WASHC2A: variants seen among roughly 807,000 people sequenced by gnomAD.
WASHC2A encodes the protein WASH complex subunit FAM21A.
WASHC2A carries 82 observed loss-of-function variants against 140.3 expected under a neutral mutation model. That is an observed-to-expected ratio of 0.58 (90% CI 0.49 to 0.70). The LOEUF (loss-of-function observed/expected upper bound fraction) is 0.70, where lower values mean the gene tolerates loss of function less well. Ranked by LOEUF, WASHC2A falls within the 30% of genes least tolerant of loss-of-function variation. The probability of loss-of-function intolerance (pLI) is 0.00; values close to 1 mark genes in which losing one functional copy is unlikely to be tolerated. For synonymous variants in WASHC2A, 340 were observed against 560.8 expected (o/e 0.61, Z 5.56); for missense variants, 985 against 1,521.8 (o/e 0.65, Z 5.87).
At position 50,110,106 on chromosome 10, in the gene WASHC2A, G is replaced by T; in HGVS notation, c.1875G>T (p.Gln625His). 4 of 1,610,010 alleles carry T rather than the reference G, an allele frequency of 2.5e-6. No homozygotes were observed. In the Admixed American group the frequency reaches 6.7e-5, roughly 27 times the overall value. Residue 625 changes from glutamine to histidine, a missense_variant, in exon 20 of 31, where the codon CAG becomes CAT. By Grantham distance (24) the Gln-to-His change is conservative (BLOSUM62 0). Coordinates refer to ENST00000282633, the MANE Select transcript of WASHC2A (RefSeq NM_001005751.3). ...ALLFSSDEED[Q>H]WNIPASQTHL... ...TATATATTTTATGTTTTAAGGACCAGTGGAATATTCCTGCTTCACAGACCC... is the reference window on the plus strand; with the variant it reads ...TATATATTTTATGTTTTAAGGACCATTGGAATATTCCTGCTTCACAGACCC...
intron 5 of WASHC2A, among the ~76,000 whole-genome samples, chr10:50,083,726 TTTTTGGATTTTTAG>T (rs1554880237): frequency 8.8e-6 from 1 of 113,546 alleles, no homozygotes; most frequent in African/African-American, 3.7e-5. Flanking sequence ...CCCGCTAATT[TTTTTGGATTTTTAG>T]TAGAGACGGG....
chr10:50,100,221 G>T (rs1231615531), intron 17 of WASHC2A, among the ~76,000 whole-genome samples, 157 bp downstream of exon 17: 1 of 152,050 alleles, frequency 6.6e-6, no homozygotes. Context: ...AGTGGTTCAT[G>T]CCTGTAATCC....
chr10:50,129,274 T>C, intron 28 of WASHC2A, 145 bp from the exon 29 acceptor site: 2 of 1,400,634 alleles, frequency 1.4e-6, no homozygotes, highest in East Asian at 4.6e-5. Flanking sequence ...CATTAAGAAA[T>C]AACCTCTTCT....
chr10:50,102,753 C>T (rs1411403261), intron 17 of WASHC2A, among the ~76,000 whole-genome samples: 8 of 149,618 alleles, frequency 5.3e-5, no homozygotes, highest in African/African-American at 2.0e-4. Flanking sequence ...GTTTATCTTC[C>T]CAAGGGAATA....
Position 50,131,078 on chromosome 10 carries a change from G to C in WASHC2A, c.3886G>C (p.Asp1296His). 6.2e-7 allele frequency: 1 copy of C among 1,611,786 alleles called. No homozygotes were observed. The highest frequency in any genetic ancestry group is 8.5e-7 in the Non-Finnish European group (1 of 1,179,786). ...CAAGTCTATATTTGATGATGATATG[G>C]GTAAGTTTGGTTTTCTACATCTGAC... Reference protein sequence around the residue: ...EAKSIFDDDMDDIFSSGIQAK... With the variant: ...EAKSIFDDDMHDIFSSGIQAK... The change falls in exon 30 of 31, where the codon GAT becomes CAT. Residue 1296 changes from aspartate (D) to histidine (H), a missense_variant and splice_region_variant. By Grantham distance (81) the Asp-to-His change is moderately conservative. Coordinates refer to ENST00000282633, the MANE Select transcript of WASHC2A (RefSeq NM_001005751.3).
At chr10:50,127,400 A>G (rs1843529195) in intron 27 of WASHC2A, among the ~76,000 whole-genome samples, 178 bp downstream of exon 27, 1 of 152,038 alleles carries the variant, frequency 6.6e-6, no homozygotes, top group Admixed American at 6.5e-5. Context: ...TTTTGAGCCC[A>G]GTGGTGGGCA....
intron 5 of WASHC2A, among the ~76,000 whole-genome samples, chr10:50,081,863 C>T (rs1838921012): frequency 1.3e-5 from 2 of 152,218 alleles, no homozygotes; most frequent in East Asian, 1.9e-4. Flanking sequence ...GAACTCCCGA[C>T]CTCAGGTGAT....
rs1471709789 is a variant in WASHC2A at position 50,095,830 on chromosome 10, C to A, written c.1420+52C>A. 240 of 1,555,836 alleles carry A rather than the reference C, an allele frequency of 1.5e-4. 1 individual carries two copies. The African/African-American group carries it at 2.6e-3, about 17-fold the overall frequency. On this transcript the variant is annotated intron_variant, in intron 15 of 30. Coordinates refer to ENST00000282633, the MANE Select transcript of WASHC2A (RefSeq NM_001005751.3). ...GACTTCAGCCAGAAAAAGAACGTTG[C>A]CTAAAAAGAACATAAGCTCACCTAG...
chr10:50,089,621 G>A (rs1234333710), intron 8 of WASHC2A, among the ~76,000 whole-genome samples: 1 of 152,148 alleles, frequency 6.6e-6, no homozygotes, highest in East Asian at 1.9e-4. Context: ...TGTTTCCATA[G>A]AAATGCTGTA....
Position 50,129,810 on chromosome 10 carries a change from A to G in WASHC2A, c.3479A>G (p.Asn1160Ser). The G allele has an allele frequency of 6.2e-7, 1 of 1,612,042 alleles. No individual in the cohort carries two copies. The highest frequency in any genetic ancestry group is 1.1e-5 in the South Asian group (1 of 90,978). The part of the protein sequence containing the change: ...PKAKIAENPA[N>S]PPVGGKAKSP... ...GCAAAGATAGCAGAGAATCCTGCCAACCCACCAGTGGGTGGTAAAGCAAAG... is the reference window on the plus strand; with the variant it reads ...GCAAAGATAGCAGAGAATCCTGCCAGCCCACCAGTGGGTGGTAAAGCAAAG... Residue 1160 changes from asparagine (N) to serine (S), a missense_variant, in exon 29 of 31, where the codon AAC becomes AGC. Asn to Ser is a conservative substitution (Grantham distance 46). Transcript: ENST00000282633.
Position 50,078,729 on chromosome 10 carries a change from A to G in WASHC2A, c.346A>G (p.Thr116Ala). Reference protein sequence around the residue: ...EPVLKAEAEKTEQEKTREQKE... With the variant: ...EPVLKAEAEKAEQEKTREQKE... ...AGTACTCAAGGCTGAGGCAGAAAAA[A>G]CAGAGCAGGTACTTGTATAAAATCA... Residue 116 changes from threonine to alanine, a missense_variant, in exon 4 of 31, where the codon ACA becomes GCA. By Grantham distance (58) the Thr-to-Ala change is moderately conservative (BLOSUM62 0). Coordinates refer to ENST00000282633, the MANE Select transcript of WASHC2A (RefSeq NM_001005751.3). 1 of 1,611,900 alleles carries G rather than the reference A, an allele frequency of 6.2e-7. No homozygotes were observed. Among genetic ancestry groups the G allele is most frequent in the East Asian group, 2.2e-5 (1 of 44,864 alleles).
chr10:50,127,171 T>C lies in WASHC2A; in HGVS notation c.2823T>C (p.Gly941=), dbSNP rs1164509241. 5 of 1,611,886 alleles carry C rather than the reference T, an allele frequency of 3.1e-6. No individual in the cohort carries two copies. In the Admixed American group the frequency reaches 8.3e-5, roughly 27 times the overall value. The change falls in exon 27 of 31, where the codon GGT becomes GGC. Residue 941 remains glycine (G), a synonymous_variant. Coordinates refer to ENST00000282633, the MANE Select transcript of WASHC2A (RefSeq NM_001005751.3). ...WKPETPQDSS[G]LAPFKTKEPS... Reference sequence around the variant, plus strand: ...GTAATTTTACACAGGACTCATCAGGTCTCGCTCCATTTAAAACCAAAGAAC... The same window carrying C: ...GTAATTTTACACAGGACTCATCAGGCCTCGCTCCATTTAAAACCAAAGAAC...
At chr10:50,089,967 G>A (rs61856723) in intron 8 of WASHC2A, among the ~76,000 whole-genome samples, 46,412 of 150,338 alleles carry the variant, frequency 0.31, 7,870 homozygotes, top group East Asian at 0.65. Flanking sequence ...AAAATTAGCC[G>A]GGCGTGGTGG....
intron 3 of WASHC2A, among the ~76,000 whole-genome samples, chr10:50,077,677 T>C (rs1363644438): frequency 6.6e-6 from 1 of 152,186 alleles, no homozygotes; most frequent in Non-Finnish European, 1.5e-5. Flanking sequence ...TTAATTTCAT[T>C]TCATTTTATT....
chr10:50,126,128 A>T lies in WASHC2A; in HGVS notation c.2760A>T (p.Glu920Asp). The change falls in exon 26 of 31, where the codon GAA becomes GAT. Residue 920 changes from glutamate to aspartate, a missense_variant. Coordinates refer to ENST00000282633, the MANE Select transcript of WASHC2A (RefSeq NM_001005751.3). ...VDSFKNQKHP[E>D]SIQGSKEKGI... ...CTTTCAAAAACCAGAAACATCCTGA[A>T]TCCATTCAAGGTAGTAAAGAAAAAG... The T allele has an allele frequency of 6.2e-7, 1 of 1,613,860 alleles. No individual in the cohort carries two copies. Among genetic ancestry groups the T allele is most frequent in the Non-Finnish European group, 8.5e-7 (1 of 1,179,848 alleles).
At chr10:50,130,511 G>A (rs1178857539) in intron 29 of WASHC2A, among the ~76,000 whole-genome samples, 1 of 152,034 alleles carries the variant, frequency 6.6e-6, no homozygotes, top group Non-Finnish European at 1.5e-5. Context: ...GCAGGCACGA[G>A]GTGAACTCAG....
Position 50,130,003 on chromosome 10 carries a change from G to A in WASHC2A, c.3672G>A (p.Gln1224=), listed in dbSNP as rs745414360. The part of the protein sequence containing the change: ...VKKNETKSNS[Q]QDVILTTQDI... ...AGAATGAGACAAAATCCAATAGTCA[G>A]CAGGATGTCATATTAACAACACAAG... The change falls in exon 29 of 31, where the codon CAG becomes CAA. Residue 1224 remains glutamine (Q), a synonymous_variant. Coordinates refer to ENST00000282633, the MANE Select transcript of WASHC2A (RefSeq NM_001005751.3). The A allele has an allele frequency of 5.0e-5, 81 of 1,611,944 alleles. No homozygotes were observed. The South Asian group carries it at 8.7e-4, about 17-fold the overall frequency.
At chr10:50,077,765 C>T (rs1304424544) in intron 3 of WASHC2A, among the ~76,000 whole-genome samples, 1 of 151,334 alleles carries the variant, frequency 6.6e-6, no homozygotes, top group African/African-American at 2.4e-5. Flanking sequence ...CTTTACCTCC[C>T]AAGCTCAAGA....
At position 50,133,287 on chromosome 10, in the gene WASHC2A, A is replaced by G; in HGVS notation, c.*342A>G. 1.8e-6 allele frequency: 1 copy of G among 545,746 alleles called. No individual in the cohort carries two copies. Among genetic ancestry groups the G allele is most frequent in the Non-Finnish European group, 3.6e-6 (1 of 280,774 alleles). 33.8% of individuals were successfully genotyped at this position (545,746 alleles called of 1,614,324 possible). A position where few individuals can be genotyped will look rare whatever the true frequency, so the allele number is the denominator to read the frequency against. On this transcript the variant is annotated 3_prime_UTR_variant, in exon 31 of 31. Transcript: ENST00000282633. ...TCCCAGAGATAGCAAATGCCACCTG[A>G]CCAGAAGTCTTTGTTATATGGATGG... is the stretch of plus-strand genomic sequence containing the variant.
Sources: gnomAD v4.1 joint callset for allele counts (sites outside exome capture counted in the v4.1 genomes callset) on GRCh38, gnomAD v4.1.1 for gene constraint, MANE v1.5 for transcripts, NCBI Gene and HGNC (gene_info 2026-07-23, HGNC 2026-07-21) for gene names.